The following TMCC1 variants were observed in gnomAD, a reference collection of about 807,000 sequenced individuals.
TMCC1 encodes transmembrane and coiled-coil domains protein 1.
In TMCC1, 15 loss-of-function variants were observed where a neutral mutation model predicts 52.4. The ratio of observed to expected loss-of-function variants is 0.29; its 90% CI spans 0.19 to 0.44. The LOEUF (loss-of-function observed/expected upper bound fraction) is 0.44. TMCC1 is among the 20% of genes least tolerant of loss of function. The pLI is 1.00. For synonymous variants in TMCC1, 279 were observed against 301.9 expected (o/e 0.92, Z 0.79); for missense variants, 503 against 806.0 (o/e 0.62, Z 4.55).
At chr3:129,870,774 AAAAAAAAAG>A (rs2060891810) in intron 2 of TMCC1, among the ~76,000 whole-genome samples, 1 of 149,758 alleles carries the variant, frequency 6.7e-6, no homozygotes, top group Non-Finnish European at 1.5e-5. Context: ...AAAAAAAAAA[AAAAAAAAAG>A]ATATGGTAGC....
chr3:129,780,793 G>A (rs1377634840), intron 4 of TMCC1, among the ~76,000 whole-genome samples: 1 of 151,894 alleles, frequency 6.6e-6, no homozygotes, highest in Non-Finnish European at 1.5e-5. Flanking sequence ...CATCATTCAT[G>A]GATCATTTAC....
At chr3:129,698,042 C>CA (rs1208953077) in intron 4 of TMCC1, among the ~76,000 whole-genome samples, 1 of 152,164 alleles carries the variant, frequency 6.6e-6, no homozygotes, top group African/African-American at 2.4e-5. Flanking sequence ...TACCCAGTTT[C>CA]AAAACTGCTT....
At chr3:129,835,176 C>T (rs970009916) in intron 2 of TMCC1, among the ~76,000 whole-genome samples, 2 of 152,162 alleles carry the variant, frequency 1.3e-5, no homozygotes, top group Non-Finnish European at 2.9e-5. Context: ...TCCCTCTTTC[C>T]TTTGATCCTC....
intron 2 of TMCC1, among the ~76,000 whole-genome samples, chr3:129,863,438 T>C (rs1260969760): frequency 6.6e-6 from 1 of 152,200 alleles, no homozygotes; most frequent in Non-Finnish European, 1.5e-5. Flanking sequence ...AACTCTGTTC[T>C]ATAATCTAAA....
chr3:129,810,832 G>A (rs1298133139), intron 4 of TMCC1, among the ~76,000 whole-genome samples: 1 of 152,184 alleles, frequency 6.6e-6, no homozygotes, highest in Admixed American at 6.5e-5. Flanking sequence ...ATTCTATGGA[G>A]CAGAAAACCT....
chr3:129,772,924 T>C (rs1022917305), intron 4 of TMCC1, among the ~76,000 whole-genome samples: 2 of 152,090 alleles, frequency 1.3e-5, no homozygotes, highest in African/African-American at 4.8e-5. Flanking sequence ...AATAACACTC[T>C]CAGAAACTGT....
Position 129,765,314 on chromosome 3 carries a change from T to C in TMCC1, c.576+62489A>G, listed in dbSNP as rs142462723. 3.4e-4 allele frequency among the ~76,000 whole-genome samples: 52 copies of C among 152,050 alleles called. No homozygotes were observed. In the South Asian group the frequency reaches 4.2e-3, roughly 12 times the overall value. ...ATGGCTATGACCCTGTTATGAAAAA[T>C]AGCTGTCTTTAAAACCCTAAAAAAT... On this transcript the variant is annotated intron_variant, in intron 4 of 6. Transcript: ENST00000393238.
chr3:129,848,202 T>C (rs1464628971), intron 2 of TMCC1: 2 of 152,236 alleles, frequency 1.3e-5, no homozygotes, highest in Admixed American at 6.5e-5. Context: ...TTATACTTCA[T>C]GCTTTTTGTG....
Position 129,864,943 on chromosome 3 carries a change from T to C in TMCC1, c.-184+15366A>G, listed in dbSNP as rs75508204. ...AAACATTAATACAGTCATTTATCCA[T>C]TTGGCAAACTTTGAAATGCCTACTA... On this transcript the variant is annotated intron_variant, in intron 2 of 6. Coordinates refer to ENST00000393238, the MANE Select transcript of TMCC1 (RefSeq NM_001017395.5). 2.2e-3 allele frequency among the ~76,000 whole-genome samples: 331 copies of C among 152,302 alleles called. 5 individuals carry two copies. The East Asian group carries it at 0.036, about 16-fold the overall frequency.
chr3:129,881,515 G>A (rs1365424942), intron 1 of TMCC1, among the ~76,000 whole-genome samples: 2 of 152,112 alleles, frequency 1.3e-5, no homozygotes, highest in Non-Finnish European at 2.9e-5. Context: ...AAAAACATAT[G>A]TAGGTTTTGG....
chr3:129,678,446 C>T (rs1163235362), intron 4 of TMCC1, among the ~76,000 whole-genome samples: 1 of 150,196 alleles, frequency 6.7e-6, no homozygotes, highest in Non-Finnish European at 1.5e-5. Flanking sequence ...CTGCAACCTC[C>T]ACCCTCTGAG....
intron 4 of TMCC1, among the ~76,000 whole-genome samples, chr3:129,725,531 A>G (rs2050005633): frequency 1.3e-5 from 2 of 152,158 alleles, no homozygotes. Context: ...GTCATTATAG[A>G]AATAGAAAAA....
At chr3:129,737,414 A>G (rs2051065898) in intron 4 of TMCC1, among the ~76,000 whole-genome samples, 1 of 151,754 alleles carries the variant, frequency 6.6e-6, no homozygotes, top group Non-Finnish European at 1.5e-5. Flanking sequence ...CAGGAAGCGG[A>G]GGTTGTAGTG....
At position 129,671,412 on chromosome 3, in the gene TMCC1, T is replaced by A. The variant is rs143680955; in HGVS notation, c.577-148A>T. On this transcript the variant is annotated intron_variant, in intron 4 of 6. Coordinates refer to ENST00000393238, the MANE Select transcript of TMCC1 (RefSeq NM_001017395.5). ...TCCCCCTTGTCCTATGCCAGCCCTG[T>A]CTCCCTCTTACATACTGCCCTCATA... The A allele has an allele frequency of 3.5e-4, 289 of 818,620 alleles. No individual in the cohort carries two copies. The African/African-American group carries it at 4.8e-3, about 14-fold the overall frequency. 50.7% of individuals were successfully genotyped at this position (818,620 alleles called of 1,614,324 possible).
chr3:129,803,953 T>C (rs1247070176), intron 4 of TMCC1, among the ~76,000 whole-genome samples: 4 of 152,206 alleles, frequency 2.6e-5, no homozygotes, highest in Non-Finnish European at 5.9e-5. Context: ...AATAATTATA[T>C]GTCTAAGGTT....
intron 4 of TMCC1, among the ~76,000 whole-genome samples, chr3:129,703,583 T>C (rs1261421569): frequency 6.6e-6 from 1 of 152,154 alleles, no homozygotes; most frequent in African/African-American, 2.4e-5. Flanking sequence ...ACCTAATAAA[T>C]AGGAATTGAG....
At chr3:129,815,862 A>C (rs2058070041) in intron 4 of TMCC1, among the ~76,000 whole-genome samples, 1 of 152,236 alleles carries the variant, frequency 6.6e-6, no homozygotes, top group Non-Finnish European at 1.5e-5. Context: ...ACAAGGGATT[A>C]ATAACCAGAA....
intron 4 of TMCC1, among the ~76,000 whole-genome samples, chr3:129,687,642 T>C (rs777205195): frequency 2.0e-5 from 3 of 152,168 alleles, no homozygotes; most frequent in Non-Finnish European, 4.4e-5. Flanking sequence ...GATTCAGTCA[T>C]AGTAGAGGCA....
chr3:129,827,688 A>C, intron 4 of TMCC1, 115 bp downstream of exon 4: 1 of 1,284,172 alleles, frequency 7.8e-7, no homozygotes, highest in Non-Finnish European at 1.1e-6. Context: ...AAATTCTTTT[A>C]CCACAACTTT....
Sources: allele counts gnomAD v4.1 joint callset (sites outside exome capture counted in the v4.1 genomes callset), GRCh38; gene constraint gnomAD v4.1.1; transcripts MANE v1.5; gene names NCBI Gene and HGNC (gene_info 2026-07-23, HGNC 2026-07-21).